The following UBAP2 variants were observed in gnomAD, a reference collection of about 807,000 sequenced individuals.
UBAP2 encodes ubiquitin associated protein 2, also known as ubiquitin-associated protein 2.
Under a neutral mutation model 139.6 loss-of-function variants are expected in UBAP2, and 75 were observed. The ratio of observed to expected loss-of-function variants is 0.54; its 90% CI spans 0.45 to 0.65. The LOEUF is 0.65. UBAP2 is among the 30% of genes least tolerant of loss of function. UBAP2 has a pLI of 0.00. For synonymous variants in UBAP2, 526 were observed against 526.2 expected (o/e 1.00, Z 0.01); for missense variants, 1,368 against 1,369.6 (o/e 1.00, Z 0.02).
intron 2 of UBAP2, among the ~76,000 whole-genome samples, chr9:33,999,485 G>A (rs942896647): frequency 6.6e-6 from 1 of 151,986 alleles, no homozygotes; most frequent in Non-Finnish European, 1.5e-5. Context: ...AAGGTATGCT[G>A]GTCAGTTCTG....
intron 18 of UBAP2, among the ~76,000 whole-genome samples, 179 bp from the exon 19 acceptor site, chr9:33,932,807 G>A (rs1463035918): frequency 6.6e-6 from 1 of 152,190 alleles, no homozygotes; most frequent in East Asian, 1.9e-4. Flanking sequence ...TGGTGGACGG[G>A]AATGACTCGC....
chr9:33,939,957 G>A (rs1825049870), intron 16 of UBAP2, among the ~76,000 whole-genome samples: 1 of 117,482 alleles, frequency 8.5e-6, no homozygotes, highest in South Asian at 3.2e-4. Flanking sequence ...GGGAAGGAAG[G>A]AAGAAGAAGA....
Position 33,988,870 on chromosome 9 carries a change from C to A in UBAP2, c.442+103G>T. On this transcript the variant is annotated intron_variant, in intron 5 of 28. Transcript: ENST00000379238. ...TAAGAAAAAATTTGAGAAAGCTGAG[C>A]GCAGTGACTCATGCCTGTAATCCCA... 3.2e-6 allele frequency: 4 copies of A among 1,256,596 alleles called. No homozygotes were observed. The Admixed American group carries it at 9.4e-5, about 30-fold the overall frequency. 77.8% of individuals were successfully genotyped at this position (1,256,596 alleles called of 1,614,324 possible).
intron 10 of UBAP2, 27 bp from the exon 11 acceptor site, chr9:33,956,173 CTTA>C (rs771113358): frequency 6.3e-7 from 1 of 1,585,638 alleles, no homozygotes. Flanking sequence ...AAAATTTAAT[CTTA>C]TTCTACATAC....
rs1554692765 is a variant in UBAP2 at position 34,035,512 on chromosome 9, A to ATATATATATATATATATAT, written c.-42+13312_-42+13313insATATATATATATATATATA. ...GCGAGACTCCATCTAAAAAAAAAAAAAAATATATATATATAAAGATTAGCC... is the reference window on the plus strand; with the variant it reads ...GCGAGACTCCATCTAAAAAAAAAAAATATATATATATATATATATAAATATATATATATAAAGATTAGCC... On this transcript the variant is annotated intron_variant, in intron 1 of 28. Coordinates refer to ENST00000379238, the MANE Select transcript of UBAP2 (RefSeq NM_001370062.2). Among the ~76,000 whole-genome samples the ATATATATATATATATATAT allele has an allele frequency of 7.9e-3, 30 of 3,788 alleles. 3 individuals carry two copies. The highest frequency in any genetic ancestry group is 0.013 in the African/African-American group (30 of 2,296). The allele number at this position is 3,788 out of a possible 152,430, so 2.5% of individuals were successfully genotyped here. A position where few individuals can be genotyped will look rare whatever the true frequency, so the allele number is the denominator to read the frequency against.
intron 2 of UBAP2, among the ~76,000 whole-genome samples, chr9:34,010,858 T>C (rs1432842923): frequency 6.6e-6 from 1 of 152,128 alleles, no homozygotes; most frequent in Non-Finnish European, 1.5e-5. Flanking sequence ...TTCAAGACAT[T>C]TCAGACAGAA....
intron 1 of UBAP2, among the ~76,000 whole-genome samples, chr9:34,021,916 G>A (rs1824981894): frequency 6.6e-6 from 1 of 152,132 alleles, no homozygotes; most frequent in African/African-American, 2.4e-5. Flanking sequence ...TTACAGACAT[G>A]AGCCACTGTG....
chr9:33,981,780 T>TAGGAAGGAAGGA (rs972167715), intron 6 of UBAP2, among the ~76,000 whole-genome samples: 3 of 114,830 alleles, frequency 2.6e-5, no homozygotes, highest in South Asian at 2.8e-4. Flanking sequence ...GGTAGGAAGG[T>TAGGAAGGAAGGA]AGGAAGGAAG....
At position 33,971,633 on chromosome 9, in the gene UBAP2, CA is replaced by C. The variant is rs534100908; in HGVS notation, c.679+17del. On this transcript the variant is annotated intron_variant, in intron 8 of 28. Transcript: ENST00000379238. ...TCAAACATTTAAAACTCATCTCTGGCAAAAACAGAACACTTACCAGTTCCCT... is the reference window on the plus strand; with the variant it reads ...TCAAACATTTAAAACTCATCTCTGGCAAAACAGAACACTTACCAGTTCCCT... The C allele has an allele frequency of 6.8e-7, 1 of 1,475,348 alleles. No individual in the cohort carries two copies. The highest frequency in any genetic ancestry group is 9.5e-7 in the Non-Finnish European group (1 of 1,053,828). The allele number at this position is 1,475,348 out of a possible 1,614,324, so 91.4% of individuals were successfully genotyped here.
intron 1 of UBAP2, among the ~76,000 whole-genome samples, chr9:34,022,159 C>T (rs1403108692): frequency 1.3e-5 from 2 of 152,026 alleles, no homozygotes; most frequent in East Asian, 1.9e-4. Flanking sequence ...GCAGGAGAAT[C>T]GCTTGAAGCC....
At chr9:33,975,819 A>G (rs921769724) in intron 6 of UBAP2, among the ~76,000 whole-genome samples, 5 of 150,442 alleles carry the variant, frequency 3.3e-5, no homozygotes, top group African/African-American at 9.7e-5. Flanking sequence ...AAAAAAAAAA[A>G]GTAAAATGGT....
chr9:34,000,921 A>G (rs184332211), intron 2 of UBAP2, among the ~76,000 whole-genome samples: 14 of 152,320 alleles, frequency 9.2e-5, no homozygotes, highest in Admixed American at 7.2e-4. Flanking sequence ...TGGTACAGAA[A>G]TTCAGTGTCT....
chr9:34,028,672 G>C lies in UBAP2; in HGVS notation c.-41-11483C>G, dbSNP rs979021931. Among the ~76,000 whole-genome samples, 46 of 152,032 alleles carry C rather than the reference G, an allele frequency of 3.0e-4. 1 individual carries two copies. The highest frequency in any genetic ancestry group is 1.0e-3 in the African/African-American group (43 of 41,490). ...TGGGATTACAGACACGAGCCACTGC[G>C]ACCAGCCTTAAACCTTGTCTTTTGC... On this transcript the variant is annotated intron_variant, in intron 1 of 28. Coordinates refer to ENST00000379238, the MANE Select transcript of UBAP2 (RefSeq NM_001370062.2).
chr9:33,934,949 C>G (rs1043468750), intron 17 of UBAP2, among the ~76,000 whole-genome samples: 3 of 152,150 alleles, frequency 2.0e-5, no homozygotes, highest in Non-Finnish European at 4.4e-5. Context: ...ATTACAGTTT[C>G]AACTGAGGCT....
intron 2 of UBAP2, among the ~76,000 whole-genome samples, chr9:34,010,427 TAAAAAAAAAA>T (rs57695373): frequency 2.8e-5 from 3 of 108,342 alleles, no homozygotes; most frequent in Non-Finnish European, 5.5e-5. Context: ...CTCTGCCTCA[TAAAAAAAAAA>T]AAAAAAAAAA....
At chr9:34,042,510 C>A (rs1323654942) in intron 1 of UBAP2, among the ~76,000 whole-genome samples, 1 of 149,722 alleles carries the variant, frequency 6.7e-6, no homozygotes. Flanking sequence ...ACAGTAGAAC[C>A]TGCAGAGTGA....
chr9:33,966,916 G>A (rs186398105), intron 8 of UBAP2, among the ~76,000 whole-genome samples: 42 of 151,180 alleles, frequency 2.8e-4, no homozygotes, highest in African/African-American at 9.9e-4. Context: ...AAATCAGTGG[G>A]GAAAATTTAC....
In UBAP2 at chr9:33,924,197, C is replaced by T. The variant is rs772087752; in HGVS notation, c.2590+9G>A. ...CCCGGGCTACTCCTCATCCATTGAGCAAACTCACCTGGATATGGATTATTA... is the reference window on the plus strand; with the variant it reads ...CCCGGGCTACTCCTCATCCATTGAGTAAACTCACCTGGATATGGATTATTA... On this transcript the variant is annotated intron_variant, in intron 23 of 28. Coordinates refer to ENST00000379238, the MANE Select transcript of UBAP2 (RefSeq NM_001370062.2). 1 of 1,614,086 alleles carries T rather than the reference C, an allele frequency of 6.2e-7. No individual in the cohort carries two copies. Among genetic ancestry groups the T allele is most frequent in the Non-Finnish European group, 8.5e-7 (1 of 1,179,916 alleles).
At chr9:34,019,668 TTA>T (rs1174276682) in intron 1 of UBAP2, among the ~76,000 whole-genome samples, 6 of 144,986 alleles carry the variant, frequency 4.1e-5, no homozygotes, top group South Asian at 2.2e-4. Flanking sequence ...ACAATAAACT[TTA>T]TGTTATGTAC....
Sources: allele counts gnomAD v4.1 joint callset (sites outside exome capture counted in the v4.1 genomes callset), GRCh38; gene constraint gnomAD v4.1.1; transcripts MANE v1.5; gene names NCBI Gene and HGNC (gene_info 2026-07-23, HGNC 2026-07-21).